CHTF18: variants seen among roughly 807,000 people sequenced by gnomAD.
CHTF18 encodes the protein chromosome transmission fidelity factor 18.
A neutral mutation model predicts 113.4 loss-of-function variants in CHTF18; 151 were observed. The ratio of observed to expected loss-of-function variants is 1.33; its 90% CI spans 1.17 to 1.52. CHTF18 has a LOEUF of 1.52. Among genes scored for constraint, CHTF18 ranks in the 40% most tolerant of loss-of-function variants. CHTF18 has a pLI of 0.00. For missense variants in CHTF18, 1,982 were observed against 1,381.6 expected (o/e 1.43, Z -6.89); for synonymous variants, 916 against 598.8 (o/e 1.53, Z -7.74).
chr16:790,486 C>T lies in CHTF18; in HGVS notation c.753-39C>T, dbSNP rs73493210. On this transcript the variant is annotated intron_variant, in intron 6 of 21. Transcript: ENST00000262315. ...CCTAGCGTGTGGGTTGGCATGGTCC[C>T]TGCGAGTTGTTTGTGGCTCAGGACG... is the stretch of plus-strand genomic sequence containing the variant. 9.4e-3 allele frequency: 15,128 copies of T among 1,606,852 alleles called. 844 individuals carry two copies. In the African/African-American group the frequency reaches 0.15, roughly 15 times the overall value.
chr16:789,738 C>T (rs1475278815), intron 4 of CHTF18, 23 bp downstream of exon 4: 3 of 1,561,334 alleles, frequency 1.9e-6, no homozygotes, highest in African/African-American at 1.4e-5. Context: ...GGCCTTCCTG[C>T]ACGGTGGGTG....
In CHTF18 at chr16:795,920, C is replaced by T. The variant is rs372206567; in HGVS notation, c.2326-27C>T. The T allele has an allele frequency of 1.7e-4, 278 of 1,602,762 alleles. 2 individuals carry two copies. The South Asian group carries it at 2.3e-3, about 13-fold the overall frequency. Reference sequence around the variant, plus strand: ...ACACATTTGTACAGCCTGCTCAGCTCCCTGTCTGCTGCCTCCCATCCCCTA... The same window carrying T: ...ACACATTTGTACAGCCTGCTCAGCTTCCTGTCTGCTGCCTCCCATCCCCTA... On this transcript the variant is annotated intron_variant, in intron 17 of 21. Coordinates refer to ENST00000262315, the MANE Select transcript of CHTF18 (RefSeq NM_022092.3).
In CHTF18 at chr16:791,905, A is replaced by T; in HGVS notation, c.1159A>T (p.Ile387Phe). The T allele has an allele frequency of 6.2e-7, 1 of 1,610,048 alleles. No homozygotes were observed. The highest frequency in any genetic ancestry group is 1.1e-5 in the South Asian group (1 of 90,208). Reference sequence around the variant, plus strand: ...GGGGAAGACCACCCTGGCACACGTGATTGCGCGTCACGCGGGGTACTCTGT... The same window carrying T: ...GGGGAAGACCACCCTGGCACACGTGTTTGCGCGTCACGCGGGGTACTCTGT... ...GLGKTTLAHVIARHAGYSVVE... is the reference protein window; with the variant it reads ...GLGKTTLAHVFARHAGYSVVE... The change falls in exon 9 of 22, where the codon ATT becomes TTT. Residue 387 changes from isoleucine to phenylalanine, a missense_variant. Transcript: ENST00000262315.
chr16:797,402 AG>A (rs1224367086), intron 20 of CHTF18, among the ~76,000 whole-genome samples: 1 of 151,988 alleles, frequency 6.6e-6, no homozygotes, highest in Admixed American at 6.5e-5. Flanking sequence ...CAGTGCCCTA[AG>A]GGGGGCTCTG....
At chr16:788,804 G>A (rs892704412) in intron 1 of CHTF18, 29 bp downstream of exon 1, 1 of 1,575,314 alleles carries the variant, frequency 6.3e-7, no homozygotes, top group Admixed American at 1.8e-5. Context: ...CCGTTGGGGA[G>A]GAGCTGCGAA....
At chr16:790,945 G>A (rs1169846144) in intron 7 of CHTF18, 2 of 1,434,642 alleles carry the variant, frequency 1.4e-6, no homozygotes, top group Non-Finnish European at 1.8e-6. Flanking sequence ...GTGCCCCTGG[G>A]GAGGGCAGGG....
At chr16:791,701 G>A in intron 8 of CHTF18, 150 bp from the exon 9 acceptor site, 5 of 1,434,180 alleles carry the variant, frequency 3.5e-6, no homozygotes, top group Non-Finnish European at 4.5e-6. Flanking sequence ...CTTGGTGTGT[G>A]AAAGTGCTCA....
chr16:792,052 G>A, intron 9 of CHTF18, 104 bp downstream of exon 9: 11 of 1,544,782 alleles, frequency 7.1e-6, no homozygotes, highest in South Asian at 1.2e-5. Flanking sequence ...CTTGAGGGTG[G>A]TGGGGGCCTG....
At position 795,229 on chromosome 16, in the gene CHTF18, C is replaced by T. The variant is rs200982272; in HGVS notation, c.2048C>T (p.Ala683Val). The T allele has an allele frequency of 2.5e-4, 383 of 1,551,278 alleles. 2 individuals are homozygous for T. The highest frequency in any genetic ancestry group is 2.0e-3 in the African/African-American group (146 of 73,176). The change falls in exon 16 of 22, where the codon GCG (alanine) becomes GTG (valine). Residue 683 changes from alanine (A) to valine (V), a missense_variant. Transcript: ENST00000262315. Reference protein sequence around the residue: ...LDWLAFDDLLAGAAHHSQSFQ... With the variant: ...LDWLAFDDLLVGAAHHSQSFQ... ...TGGCTGGCCTTCGATGACCTGCTGG[C>T]GGGGGCTGCTCATCACAGCCAGAGC...
At position 789,209 on chromosome 16, in the gene CHTF18, G is replaced by A. The variant is rs1283547486; in HGVS notation, c.287-1G>A. On this transcript the variant is annotated splice_acceptor_variant, in intron 2 of 21. Coordinates refer to ENST00000262315, the MANE Select transcript of CHTF18 (RefSeq NM_022092.3). LOFTEE classifies it high-confidence loss of function. Reference sequence around the variant, plus strand: ...TGGTTCCCTGCATGTGTCTCCCCCAGCCCCCAGGATCAAACGGCCTAGGCT... The same window carrying A: ...TGGTTCCCTGCATGTGTCTCCCCCAACCCCCAGGATCAAACGGCCTAGGCT... The A allele has an allele frequency of 5.8e-6, 9 of 1,550,992 alleles. No homozygotes were observed. In the East Asian group the frequency reaches 9.8e-5, roughly 17 times the overall value.
chr16:790,029 T>G (rs76269634), intron 4 of CHTF18, 148 bp from the exon 5 acceptor site: 2 of 1,535,638 alleles, frequency 1.3e-6, no homozygotes, highest in East Asian at 4.9e-5. Context: ...GATGGCTTCA[T>G]TCCTTTGGCA....
intron 18 of CHTF18, 21 bp from the exon 19 acceptor site, chr16:796,696 G>C: frequency 6.3e-7 from 1 of 1,578,284 alleles, no homozygotes; most frequent in Non-Finnish European, 8.6e-7. Flanking sequence ...ACCTGCCCTG[G>C]TGTCCCCCTG....
At chr16:790,792 C>T (rs1198878217) in intron 7 of CHTF18, 126 bp downstream of exon 7, 27 of 1,436,026 alleles carry the variant, frequency 1.9e-5, no homozygotes, top group Middle Eastern at 2.5e-4. Flanking sequence ...TCTGGTTTGC[C>T]CTTTTGAGTT....
chr16:794,899 C>T (rs1462089089), intron 15 of CHTF18: 5 of 562,224 alleles, frequency 8.9e-6, no homozygotes, highest in Non-Finnish European at 1.3e-5. Context: ...CAAGCTGTAG[C>T]GAGGATGCTC....
intron 8 of CHTF18, 129 bp from the exon 9 acceptor site, chr16:791,722 T>A (rs562973052): frequency 1.9e-5 from 27 of 1,446,872 alleles, no homozygotes; most frequent in Non-Finnish European, 2.4e-5. Context: ...ATTTTGTTCT[T>A]ATTTGATGGC....
rs773691931 is a variant in CHTF18, at chr16:789,611, C to T, written c.502C>T (p.Leu168=). The change falls in exon 4 of 22, where the codon CTG becomes TTG. Residue 168 remains leucine (L), a synonymous_variant. Coordinates refer to ENST00000262315, the MANE Select transcript of CHTF18 (RefSeq NM_022092.3). The part of the protein sequence containing the change: ...RASPAARNPV[L]RRPPILEDYV... ...CTCACCAGCTGCCCGCAATCCCGTC[C>T]TGAGGCGGCCCCCCATCTTGGAGGA... 2 of 1,608,678 alleles carry T rather than the reference C, an allele frequency of 1.2e-6. No homozygotes were observed. The highest frequency in any genetic ancestry group is 1.3e-5 in the African/African-American group (1 of 75,030).
chr16:797,781 G>A (rs939562702), intron 21 of CHTF18, 30 bp downstream of exon 21: 26 of 1,600,032 alleles, frequency 1.6e-5, no homozygotes, highest in Non-Finnish European at 2.2e-5. Context: ...GGGGTTGTGG[G>A]GGGCCTGGGG....
chr16:791,810 AGGTGC>A (rs1430189867), intron 8 of CHTF18, 36 bp from the exon 9 acceptor site: 71 of 1,562,688 alleles, frequency 4.5e-5, no homozygotes, highest in Non-Finnish European at 6.1e-5. Context: ...AGCGTCCTGT[AGGTGC>A]GGTGCACACT....
In CHTF18 at chr16:793,042, G is replaced by C. The variant is rs746704649; in HGVS notation, c.1649G>C (p.Arg550Pro). 1.9e-6 allele frequency: 3 copies of C among 1,562,586 alleles called. No homozygotes were observed. The highest frequency in any genetic ancestry group is 3.7e-5 in the Admixed American group (2 of 53,602). ...TGTGAGAAAACTGACAATGACATCC[G>C]GGCCTGCATCAACACCCTGCAGGTG... is the stretch of plus-strand genomic sequence containing the variant. ...ALCEKTDNDIRACINTLQFLY... is the reference protein window; with the variant it reads ...ALCEKTDNDIPACINTLQFLY... The change falls in exon 13 of 22, where the codon CGG becomes CCG. Residue 550 changes from arginine to proline, a missense_variant. Transcript: ENST00000262315.
Sources: allele counts gnomAD v4.1 joint callset (sites outside exome capture counted in the v4.1 genomes callset), GRCh38; gene constraint gnomAD v4.1.1; transcripts MANE v1.5; gene names NCBI Gene and HGNC (gene_info 2026-07-23, HGNC 2026-07-21).